The following METTL16 variants were observed in gnomAD, a reference collection of about 807,000 sequenced individuals.
METTL16 encodes RNA N(6)-adenosine-methyltransferase METTL16.
In METTL16, 19 loss-of-function variants were observed where a neutral mutation model predicts 57.9. The observed-to-expected ratio is 0.33, with a 90% CI of 0.23 to 0.48. The LOEUF is 0.48. Ranked by LOEUF, METTL16 falls within the 20% of genes least tolerant of loss-of-function variation. The probability of loss-of-function intolerance (pLI) is 0.99; values close to 1 mark genes in which losing one functional copy is unlikely to be tolerated. For missense variants in METTL16, 434 were observed against 691.5 expected (o/e 0.63, Z 4.18); for synonymous variants, 246 against 255.6 (o/e 0.96, Z 0.36).
intron 7 of METTL16, among the ~76,000 whole-genome samples, chr17:2,438,761 T>A (rs1308214716): frequency 6.6e-6 from 1 of 152,232 alleles, no homozygotes; most frequent in Non-Finnish European, 1.5e-5. Flanking sequence ...CCCAAAGTGC[T>A]GAGATTACAG....
intron 6 of METTL16, among the ~76,000 whole-genome samples, chr17:2,454,560 A>ATTTTTTTTTTTT (rs1476498879): frequency 7.2e-6 from 1 of 139,028 alleles, no homozygotes; most frequent in African/African-American, 2.7e-5. Context: ...TATTATTATT[A>ATTTTTTTTTTTT]TTATTTTTTT....
chr17:2,495,435 G>A (rs2151577472), intron 2 of METTL16, among the ~76,000 whole-genome samples: 1 of 152,204 alleles, frequency 6.6e-6, no homozygotes, highest in Admixed American at 6.5e-5. Flanking sequence ...GGTGGCTCAC[G>A]CCTGTAATCC....
intron 2 of METTL16, among the ~76,000 whole-genome samples, chr17:2,491,625 C>CCT: frequency 3.3e-5 from 5 of 152,142 alleles, no homozygotes; most frequent in Admixed American, 1.3e-4. Context: ...CCTGTAATGT[C>CCT]AGCACGTTGG....
At chr17:2,474,571 G>A (rs185644684) in intron 3 of METTL16, among the ~76,000 whole-genome samples, 1 of 152,230 alleles carries the variant, frequency 6.6e-6, no homozygotes, top group African/African-American at 2.4e-5. Flanking sequence ...GACCACTAGG[G>A]TTTGGTACTA....
At position 2,441,364 on chromosome 17, in the gene METTL16, G is replaced by A. The variant is rs939139018; in HGVS notation, c.798+126C>T. On this transcript the variant is annotated intron_variant, in intron 7 of 9. Coordinates refer to ENST00000263092, the MANE Select transcript of METTL16 (RefSeq NM_024086.4). Reference sequence around the variant, plus strand: ...CATGCACAACGACATGAATTGTTCCGGTGACAGTTACACTGAAAGCCCTGA... The same window carrying A: ...CATGCACAACGACATGAATTGTTCCAGTGACAGTTACACTGAAAGCCCTGA... The A allele has an allele frequency of 7.8e-5, 46 of 590,152 alleles. No homozygotes were observed. The South Asian group carries it at 1.0e-3, about 13-fold the overall frequency. The allele number at this position is 590,152 out of a possible 1,614,324, so 36.6% of individuals were successfully genotyped here. A position where few individuals can be genotyped will look rare whatever the true frequency, so the allele number is the denominator to read the frequency against.
At chr17:2,466,675 C>A (rs560853426) in intron 5 of METTL16, among the ~76,000 whole-genome samples, 72 of 152,346 alleles carry the variant, frequency 4.7e-4, no homozygotes, top group African/African-American at 1.7e-3. Flanking sequence ...CTGCCCACAT[C>A]ATCTGGTATA....
At chr17:2,421,960 A>G (rs2066769666) in intron 8 of METTL16, among the ~76,000 whole-genome samples, 1 of 152,144 alleles carries the variant, frequency 6.6e-6, no homozygotes, top group Non-Finnish European at 1.5e-5. Context: ...ATTCTATCTC[A>G]AGCTGGGAAG....
chr17:2,500,565 AG>A (rs1380541905), intron 2 of METTL16, among the ~76,000 whole-genome samples: 1 of 152,062 alleles, frequency 6.6e-6, no homozygotes, highest in South Asian at 2.1e-4. Context: ...TCCAGGCGTG[AG>A]CCACCGCGCC....
rs186774083 is a variant in METTL16 at position 2,452,954 on chromosome 17, G to A, written c.728+11254C>T. On this transcript the variant is annotated intron_variant, in intron 6 of 9. Coordinates refer to ENST00000263092, the MANE Select transcript of METTL16 (RefSeq NM_024086.4). ...CAGCTCACTGCACCTCCACCTCCCA[G>A]GCTCAGGCGATTCTCCTGACTCAGC... Among the ~76,000 whole-genome samples, 245 of 152,184 alleles carry A rather than the reference G, an allele frequency of 1.6e-3. 1 individual carries two copies. The highest frequency in any genetic ancestry group is 5.7e-3 in the African/African-American group (237 of 41,512).
chr17:2,482,463 G>A (rs920982227), intron 2 of METTL16, among the ~76,000 whole-genome samples: 1 of 152,178 alleles, frequency 6.6e-6, no homozygotes, highest in African/African-American at 2.4e-5. Context: ...TAAAATGTAA[G>A]TGTTTACAAA....
intron 6 of METTL16, among the ~76,000 whole-genome samples, chr17:2,453,495 C>T (rs545561914): frequency 3.9e-5 from 6 of 152,280 alleles, no homozygotes; most frequent in African/African-American, 7.2e-5. Flanking sequence ...GTGAAGAGCA[C>T]GGAGGCGCTG....
At chr17:2,501,547 A>G (rs2067487614) in intron 2 of METTL16, among the ~76,000 whole-genome samples, 1 of 152,182 alleles carries the variant, frequency 6.6e-6, no homozygotes, top group Non-Finnish European at 1.5e-5. Flanking sequence ...CCTCACATCA[A>G]AATAAACACA....
intron 6 of METTL16, among the ~76,000 whole-genome samples, chr17:2,461,186 C>T (rs1227491008): frequency 6.6e-6 from 1 of 152,130 alleles, no homozygotes; most frequent in Middle Eastern, 3.4e-3. Flanking sequence ...AACCCCAACA[C>T]TACTAAAAAA....
chr17:2,507,707 T>C (rs1264432242), intron 1 of METTL16, among the ~76,000 whole-genome samples: 10 of 152,302 alleles, frequency 6.6e-5, no homozygotes, highest in East Asian at 1.9e-4. Flanking sequence ...GGGGAAAAGA[T>C]TGAGAAATCG....
At chr17:2,452,136 CA>C (rs1268908998) in intron 6 of METTL16, among the ~76,000 whole-genome samples, 2,973 of 62,174 alleles carry the variant, frequency 0.048, 48 homozygotes, top group Admixed American at 0.12. Flanking sequence ...GCCCTTGTCT[CA>C]AAAAAAAAAA....
intron 6 of METTL16, among the ~76,000 whole-genome samples, chr17:2,446,656 C>G (rs1290042919): frequency 6.6e-6 from 1 of 152,004 alleles, no homozygotes; most frequent in Non-Finnish European, 1.5e-5. Context: ...CCCTCTGATG[C>G]CGAGCCAAGG....
rs1356174549 is a variant in METTL16, at chr17:2,419,742, T to A, written c.*228A>T. ...GAGTTTACTGAGGGCTTTCTGTTGTTACTGATGACCACAATTCCTCCTTGT... is the reference window on the plus strand; with the variant it reads ...GAGTTTACTGAGGGCTTTCTGTTGTAACTGATGACCACAATTCCTCCTTGT... On this transcript the variant is annotated 3_prime_UTR_variant, in exon 10 of 10. Transcript: ENST00000263092. 7 of 693,502 alleles carry A rather than the reference T, an allele frequency of 1.0e-5. No individual in the cohort carries two copies. In the South Asian group the frequency reaches 1.0e-4, roughly 10 times the overall value. 43.0% of individuals were successfully genotyped at this position (693,502 alleles called of 1,614,324 possible).
chr17:2,420,455 C>G lies in METTL16; in HGVS notation c.1204G>C (p.Val402Leu), dbSNP rs769742502. The G allele has an allele frequency of 1.9e-6, 3 of 1,614,110 alleles. No homozygotes were observed. In the South Asian group the frequency reaches 3.3e-5, roughly 18 times the overall value. The change falls in exon 10 of 10, where the codon GTC becomes CTC. Residue 402 changes from valine (V) to leucine (L), a missense_variant. This residue lies in a region of METTL16 where 168 missense variants were observed against 149.6 expected (regional missense o/e 1.12). Transcript: ENST00000263092. This position sits in a 1 kb window ranked among gnomAD's most constrained non-coding sequence, Gnocchi z 5.4. Reference protein sequence around the residue: ...LREVPRAPEDVIQALEEKKPT... With the variant: ...LREVPRAPEDLIQALEEKKPT... ...TTTTTCTCTTCCAAGGCCTGAATGA[C>G]GTCCTCAGGAGCTCGGGGAACTTCT... is the stretch of plus-strand genomic sequence containing the variant.
intron 6 of METTL16, among the ~76,000 whole-genome samples, chr17:2,443,078 T>C (rs898413819): frequency 1.3e-5 from 2 of 152,034 alleles, no homozygotes; most frequent in Non-Finnish European, 2.9e-5. Context: ...CAACCTCCAC[T>C]TCCGGGCTCA....
Sources: allele counts gnomAD v4.1 joint callset (sites outside exome capture counted in the v4.1 genomes callset), GRCh38; gene constraint gnomAD v4.1.1; regional missense constraint gnomAD v4.1.1; non-coding constraint Gnocchi (gnomAD v3.1); transcripts MANE v1.5; gene names NCBI Gene and HGNC (gene_info 2026-07-23, HGNC 2026-07-21).